Variants in LOC400499 observed in about 807,000 individuals in gnomAD.
At chr16:11,433,321 T>C in the LOC400499 span, among the ~76,000 whole-genome samples, 3 of 152,160 alleles carry the variant, frequency 2.0e-5, no homozygotes, top group African/African-American at 7.2e-5. Context: ...GTGGTGGCAA[T>C]GCTGAAGACA....
At chr16:11,513,303 G>A in the LOC400499 span, among the ~76,000 whole-genome samples, 1 of 151,408 alleles carries the variant, frequency 6.6e-6, no homozygotes, top group Non-Finnish European at 1.5e-5. Flanking sequence ...TACCTGGCGG[G>A]CTGAGGTGGG....
the LOC400499 span, chr16:11,392,080 G>A: frequency 2.5e-6 from 1 of 399,334 alleles, no homozygotes; most frequent in South Asian, 1.3e-4. Flanking sequence ...TTGCACCTGG[G>A]AGCCAACTGC....
At chr16:11,495,999 C>T in the LOC400499 span, among the ~76,000 whole-genome samples, 48 of 152,282 alleles carry the variant, frequency 3.2e-4, no homozygotes, top group Non-Finnish European at 5.7e-4. Flanking sequence ...CTGTGCTAGA[C>T]CCACGTCACT....
the LOC400499 span, among the ~76,000 whole-genome samples, chr16:11,429,388 C>T: frequency 2.0e-5 from 3 of 151,878 alleles, no homozygotes; most frequent in Non-Finnish European, 4.4e-5. Context: ...ACCCAGTCTC[C>T]GGATGTGAAA....
chr16:11,461,693 C>T, the LOC400499 span, among the ~76,000 whole-genome samples: 42 of 152,252 alleles, frequency 2.8e-4, no homozygotes, highest in African/African-American at 9.6e-4. Flanking sequence ...ACACCCACAT[C>T]GGGGGGTCCA....
chr16:11,501,336 C>G, the LOC400499 span, among the ~76,000 whole-genome samples: 2 of 152,074 alleles, frequency 1.3e-5, no homozygotes, highest in African/African-American at 4.8e-5. Context: ...ACCTCGAATA[C>G]TCAGCACAAC....
chr16:11,503,566 T>A, the LOC400499 span, among the ~76,000 whole-genome samples: 4 of 152,176 alleles, frequency 2.6e-5, no homozygotes, highest in African/African-American at 9.7e-5. Context: ...CCTCCGAGGC[T>A]GGGACCTGCT....
At chr16:11,424,140 G>C in the LOC400499 span, 1 of 399,464 alleles carries the variant, frequency 2.5e-6, no homozygotes, top group African/African-American at 2.1e-5. Flanking sequence ...TAAGGAGAAG[G>C]GGAGGCCCCA....
At chr16:11,447,629 T>C in the LOC400499 span, among the ~76,000 whole-genome samples, 2 of 152,106 alleles carry the variant, frequency 1.3e-5, no homozygotes, top group African/African-American at 4.8e-5. Flanking sequence ...TGCTGTTCCC[T>C]GCACACAGGG....
the LOC400499 span, among the ~76,000 whole-genome samples, chr16:11,395,455 G>A: frequency 6.6e-6 from 1 of 152,212 alleles, no homozygotes; most frequent in Non-Finnish European, 1.5e-5. Context: ...TACAGAGCCG[G>A]GGGCAGGCAG....
chr16:11,462,691 A>AG, the LOC400499 span, among the ~76,000 whole-genome samples: 1 of 152,098 alleles, frequency 6.6e-6, no homozygotes, highest in Admixed American at 6.6e-5. Flanking sequence ...CCAAAGTGTT[A>AG]GGATTACAGG....
chr16:11,462,452 C>T, the LOC400499 span: 2 of 1,284,354 alleles, frequency 1.6e-6, no homozygotes, highest in Non-Finnish European at 9.8e-7. Flanking sequence ...TTCCTTGAGA[C>T]AGAGTCTCAC....
the LOC400499 span, among the ~76,000 whole-genome samples, chr16:11,463,858 G>T: frequency 6.6e-6 from 1 of 152,158 alleles, no homozygotes; most frequent in South Asian, 2.1e-4. Flanking sequence ...TGTGTAAAGA[G>T]ATGCATATAT....
At chr16:11,407,283 G>A in the LOC400499 span, 5 of 398,810 alleles carry the variant, frequency 1.3e-5, no homozygotes, top group East Asian at 1.1e-4. Context: ...TGAAAATGAC[G>A]CTCCTCCACG....
the LOC400499 span, among the ~76,000 whole-genome samples, chr16:11,419,178 A>C: frequency 9.7e-6 from 1 of 102,590 alleles, no homozygotes; most frequent in African/African-American, 4.6e-5. Context: ...AAAAACAAAA[A>C]ACAACAACAA....
the LOC400499 span, among the ~76,000 whole-genome samples, chr16:11,376,278 G>C: frequency 2.6e-5 from 4 of 152,070 alleles, no homozygotes; most frequent in Non-Finnish European, 5.9e-5. Flanking sequence ...GACAAAGGAA[G>C]CTCTCCTACT....
chr16:11,417,326 A>G, the LOC400499 span, among the ~76,000 whole-genome samples: 1 of 152,128 alleles, frequency 6.6e-6, no homozygotes, highest in Non-Finnish European at 1.5e-5. Context: ...TTCTGGCTCC[A>G]GTAATCCCCT....
chr16:11,429,388 C>A, the LOC400499 span, among the ~76,000 whole-genome samples: 68,406 of 151,912 alleles, frequency 0.45, 16,083 homozygotes, highest in African/African-American at 0.57. Context: ...ACCCAGTCTC[C>A]GGATGTGAAA....
chr16:11,430,152 C>T, the LOC400499 span, among the ~76,000 whole-genome samples: 6 of 152,108 alleles, frequency 3.9e-5, no homozygotes, highest in East Asian at 1.9e-4. Flanking sequence ...CAAACCCAGA[C>T]GGAGGGCTGT....
Sources: gnomAD v4.1 joint callset for allele counts (sites outside exome capture counted in the v4.1 genomes callset) on GRCh38, gnomAD v4.1.1 for gene constraint, MANE v1.5 for transcripts.